EPB41: variants seen among roughly 807,000 people sequenced by gnomAD.
The protein encoded by EPB41 is erythrocyte membrane protein band 4.1, also known as protein 4.1.
In EPB41, 65 loss-of-function variants were observed where a neutral mutation model predicts 108.0. The ratio of observed to expected loss-of-function variants is 0.60; its 90% CI spans 0.49 to 0.74. The LOEUF (loss-of-function observed/expected upper bound fraction) is 0.74. EPB41 is among the 30% of genes least tolerant of loss of function. The probability of loss-of-function intolerance (pLI) is 0.00; values close to 1 mark genes in which losing one functional copy is unlikely to be tolerated. For synonymous variants in EPB41, 336 were observed against 358.9 expected, an observed-to-expected ratio of 0.94 and a Z score of 0.72; for missense variants, 875 against 1,037.0, an observed-to-expected ratio of 0.84 and a Z score of 2.15.
chr1:28,949,475 G>T (rs1235383525), intron 1 of EPB41, among the ~76,000 whole-genome samples: 1 of 151,992 alleles, frequency 6.6e-6, no homozygotes, highest in Admixed American at 6.6e-5. Flanking sequence ...ACTATATATA[G>T]ATATATATTA....
At chr1:29,108,391 G>GC (rs895843643) in intron 17 of EPB41, among the ~76,000 whole-genome samples, 52 of 151,272 alleles carry the variant, frequency 3.4e-4, no homozygotes, top group African/African-American at 1.2e-3. Flanking sequence ...CAGGTGATCT[G>GC]CCCCCCTCGG....
chr1:29,088,045 C>CTTTTTTTTTTTTTTTTTTT (rs750809586), intron 16 of EPB41, among the ~76,000 whole-genome samples: 2 of 131,576 alleles, frequency 1.5e-5, no homozygotes, highest in Non-Finnish European at 1.7e-5. Flanking sequence ...TTCTTTTTTT[C>CTTTTTTTTTTTTTTTTTTT]TTTTTTTCTT....
chr1:28,898,940 A>G (rs374736158), intron 1 of EPB41, among the ~76,000 whole-genome samples: 4 of 152,166 alleles, frequency 2.6e-5, no homozygotes, highest in African/African-American at 9.7e-5. Flanking sequence ...GCTTTCGTGA[A>G]GAGTGTGATG....
chr1:29,096,620 A>G (rs1052579118), intron 16 of EPB41: 71 of 979,874 alleles, frequency 7.2e-5, no homozygotes, highest in Middle Eastern at 5.2e-4. Flanking sequence ...AATTTATTCA[A>G]TGATGCAGGT....
intron 11 of EPB41, among the ~76,000 whole-genome samples, chr1:29,042,760 T>A (rs1239387847): frequency 6.6e-6 from 1 of 151,996 alleles, no homozygotes; most frequent in African/African-American, 2.4e-5. Context: ...ATTATAGACA[T>A]GACACCCCCC....
At chr1:28,959,419 G>T (rs957579186) in intron 1 of EPB41, among the ~76,000 whole-genome samples, 18 of 152,004 alleles carry the variant, frequency 1.2e-4, no homozygotes, top group Non-Finnish European at 2.5e-4. Context: ...TTTTCGCCAT[G>T]TTGGCTAGGC....
intron 5 of EPB41, among the ~76,000 whole-genome samples, chr1:29,013,531 A>G (rs139961278): frequency 0.029 from 4,425 of 151,940 alleles, 97 homozygotes; most frequent in Middle Eastern, 0.058. Flanking sequence ...TTGTTTGTTT[A>G]TTTGTTTGTT....
chr1:28,904,343 T>C (rs1382652025), intron 1 of EPB41, among the ~76,000 whole-genome samples: 2 of 152,076 alleles, frequency 1.3e-5, no homozygotes, highest in Non-Finnish European at 2.9e-5. Flanking sequence ...AGGGAGGCTT[T>C]TACCTTGAGG....
At chr1:29,042,701 A>G (rs1406753397) in intron 11 of EPB41, among the ~76,000 whole-genome samples, 1 of 150,322 alleles carries the variant, frequency 6.7e-6, no homozygotes, top group Admixed American at 6.6e-5. Context: ...CTAGTCTTGA[A>G]CTCCTGGCCT....
chr1:28,898,274 C>T (rs776134458), intron 1 of EPB41, among the ~76,000 whole-genome samples: 8 of 152,096 alleles, frequency 5.3e-5, no homozygotes, highest in African/African-American at 1.2e-4. Flanking sequence ...AGGACCTTCC[C>T]ATGCTGCTCC....
chr1:28,911,841 G>A (rs1242582401), upstream of EPB41, among the ~76,000 whole-genome samples: 4 of 152,086 alleles, frequency 2.6e-5, no homozygotes, highest in African/African-American at 9.7e-5. Flanking sequence ...CTGGGGGTTC[G>A]AGACCAGCCT....
intron 17 of EPB41, among the ~76,000 whole-genome samples, chr1:29,107,703 T>C (rs924575963): frequency 6.6e-6 from 1 of 151,468 alleles, no homozygotes; most frequent in Non-Finnish European, 1.5e-5. Context: ...ATACAAAAAT[T>C]AGCCAGGCGT....
Position 28,997,315 on chromosome 1 carries a change from C to G in EPB41, c.782C>G (p.Ser261Cys), listed in dbSNP as rs749414197. Reference protein sequence around the residue: ...FGLAIWDNATSKTWLDSAKEI... With the variant: ...FGLAIWDNATCKTWLDSAKEI... ...CTAGCCATTTGGGATAACGCAACCT[C>G]TAAGGTGAGGAGACTGCTTGCAATT... The change falls in exon 4 of 21, where the codon TCT becomes TGT. Residue 261 changes from serine (S) to cysteine (C), a missense_variant. Transcript: ENST00000343067. 2.6e-5 allele frequency: 42 copies of G among 1,597,084 alleles called. No individual in the cohort carries two copies. Among genetic ancestry groups the G allele is most frequent in the Non-Finnish European group, 3.5e-5 (41 of 1,164,634 alleles).
In EPB41 at chr1:29,035,922, A is replaced by G; in HGVS notation, c.1462A>G (p.Arg488Gly). The G allele has an allele frequency of 6.2e-7, 1 of 1,601,436 alleles. No homozygotes were observed. Among genetic ancestry groups the G allele is most frequent in the African/African-American group, 1.3e-5 (1 of 74,770 alleles). Residue 488 changes from arginine (R) to glycine (G), a missense_variant and splice_region_variant, in exon 10 of 21, where the codon AGA (arginine) becomes GGA (glycine). Physicochemically the swap from Arg to Gly is moderately radical, Grantham distance 125. Coordinates refer to ENST00000343067, the MANE Select transcript of EPB41 (RefSeq NM_001376013.1). ...CTGTGTAGAACATCACACGTTTTTC[A>G]GGTATTATTCTCACTTAAGTATTTT... ...KVCVEHHTFF[R>G]LTSTDTIPKS...
intron 16 of EPB41, among the ~76,000 whole-genome samples, chr1:29,085,349 T>G (rs1357882177): frequency 6.6e-6 from 1 of 152,038 alleles, no homozygotes; most frequent in Non-Finnish European, 1.5e-5. Flanking sequence ...TTCACCATGT[T>G]GGCCAGGCTG....
At position 29,119,924 on chromosome 1, in the gene EPB41, G is replaced by A. The variant is rs1364929176; in HGVS notation, c.*3112G>A. ...ATTGGCAGAATCTTTAGACTACACA[G>A]GCAATAATCAAGTCTGCTGTTTTGG... On this transcript the variant is annotated 3_prime_UTR_variant, in exon 21 of 21. Coordinates refer to ENST00000343067, the MANE Select transcript of EPB41 (RefSeq NM_001376013.1). 1 of 152,630 alleles carries A rather than the reference G, an allele frequency of 6.6e-6. No individual in the cohort carries two copies. Among genetic ancestry groups the A allele is most frequent in the Non-Finnish European group, 1.5e-5 (1 of 68,042 alleles). 9.5% of individuals were successfully genotyped at this position (152,630 alleles called of 1,614,324 possible).
At chr1:28,976,283 A>G (rs898213898) in intron 1 of EPB41, among the ~76,000 whole-genome samples, 1 of 152,208 alleles carries the variant, frequency 6.6e-6, no homozygotes, top group Non-Finnish European at 1.5e-5. Context: ...GGTTTAAGGC[A>G]TGTAGAATAA....
chr1:28,994,992 G>T (rs2096133662), intron 3 of EPB41, among the ~76,000 whole-genome samples: 3 of 111,372 alleles, frequency 2.7e-5, no homozygotes, highest in South Asian at 3.8e-4. Flanking sequence ...ATTTGCAAAT[G>T]TAAATATGTT....
chr1:28,996,863 A>G (rs1210241716), intron 3 of EPB41, among the ~76,000 whole-genome samples: 1 of 152,188 alleles, frequency 6.6e-6, no homozygotes, highest in African/African-American at 2.4e-5. Context: ...GGCCAGGTGC[A>G]GTGGCTCATA....
Sources: gnomAD v4.1 joint callset for allele counts (sites outside exome capture counted in the v4.1 genomes callset) on GRCh38, gnomAD v4.1.1 for gene constraint, MANE v1.5 for transcripts, NCBI Gene and HGNC (gene_info 2026-07-23, HGNC 2026-07-21) for gene names.